The following DNAJC11 variants were observed in gnomAD, a reference collection of about 807,000 sequenced individuals.
The protein encoded by DNAJC11 is dnaJ homolog subfamily C member 11.
DNAJC11 carries 15 observed loss-of-function variants against 78.6 expected under a neutral mutation model. The ratio of observed to expected loss-of-function variants is 0.19; its 90% CI spans 0.13 to 0.29. The LOEUF is 0.29. Among genes scored for constraint, DNAJC11 ranks in the 10% least tolerant of loss-of-function variants. The pLI is 1.00. For missense variants in DNAJC11, 547 were observed against 709.6 expected (o/e 0.77, Z 2.60); for synonymous variants, 292 against 272.1 (o/e 1.07, Z -0.72).
intron 1 of DNAJC11, among the ~76,000 whole-genome samples, chr1:6,698,052 A>C (rs1642866144): frequency 6.6e-6 from 1 of 152,186 alleles, no homozygotes; most frequent in African/African-American, 2.4e-5. Flanking sequence ...GGCCTCCCAA[A>C]GTGCTGGGAT....
intron 7 of DNAJC11, among the ~76,000 whole-genome samples, chr1:6,647,895 T>C (rs1235283613): frequency 6.6e-6 from 1 of 152,182 alleles, no homozygotes; most frequent in Non-Finnish European, 1.5e-5. Context: ...TCAGTTGTCC[T>C]TCCGTTTAAA....
rs200095851 is a variant in DNAJC11 at position 6,638,398 on chromosome 1, G to A, written c.1254-34C>T. The A allele has an allele frequency of 2.1e-5, 33 of 1,600,146 alleles. No homozygotes were observed. The East Asian group carries it at 3.1e-4, about 15-fold the overall frequency. Reference sequence around the variant, plus strand: ...AGAGGAACACAAGCCCCACGTTAGCGCGGCGCTGCCCAGCTTCCAGCCAAC... The same window carrying A: ...AGAGGAACACAAGCCCCACGTTAGCACGGCGCTGCCCAGCTTCCAGCCAAC... On this transcript the variant is annotated intron_variant, in intron 11 of 15. Coordinates refer to ENST00000377577, the MANE Select transcript of DNAJC11 (RefSeq NM_018198.4).
chr1:6,693,322 G>C (rs946953925), intron 1 of DNAJC11, among the ~76,000 whole-genome samples: 2 of 152,098 alleles, frequency 1.3e-5, no homozygotes, highest in African/African-American at 4.8e-5. Context: ...AGCATACCAA[G>C]TATGTCTTTC....
intron 6 of DNAJC11, among the ~76,000 whole-genome samples, chr1:6,651,984 G>A (rs1277908483): frequency 3.2e-5 from 3 of 93,884 alleles, no homozygotes; most frequent in Non-Finnish European, 6.2e-5. Context: ...CCCCACCCCC[G>A]CATGCACTGC....
At chr1:6,681,774 C>G (rs962228660) in intron 1 of DNAJC11, among the ~76,000 whole-genome samples, 1 of 152,140 alleles carries the variant, frequency 6.6e-6, no homozygotes, top group Non-Finnish European at 1.5e-5. Flanking sequence ...CCAAGAGGGT[C>G]TCTAGACAGG....
chr1:6,653,022 A>C lies in DNAJC11; in HGVS notation c.508-71T>G. ...AGTGCCAATGGCAGCAGCCTAAAGA[A>C]CGCACTGTGAGCCCAAGGCCAAAGG... On this transcript the variant is annotated intron_variant, in intron 5 of 15. Transcript: ENST00000377577. This position sits in a 1 kb window ranked among gnomAD's most constrained non-coding sequence, Gnocchi z 4.5. 1 of 1,594,866 alleles carries C rather than the reference A, an allele frequency of 6.3e-7. No homozygotes were observed. Among genetic ancestry groups the C allele is most frequent in the Admixed American group, 1.7e-5 (1 of 59,130 alleles).
At chr1:6,650,884 T>A in intron 7 of DNAJC11, 1 of 320,628 alleles carries the variant, frequency 3.1e-6, no homozygotes, top group Non-Finnish European at 6.4e-6. Flanking sequence ...CCAAAATAAA[T>A]AAATAAATAA....
At chr1:6,637,810 A>G in intron 12 of DNAJC11, 1 of 504,986 alleles carries the variant, frequency 2.0e-6, no homozygotes, top group South Asian at 2.4e-5. Context: ...TGACCCAATA[A>G]AAAAACAATG....
At chr1:6,676,976 C>G (rs1478645428) in intron 3 of DNAJC11, among the ~76,000 whole-genome samples, 2 of 151,936 alleles carry the variant, frequency 1.3e-5, no homozygotes, top group Admixed American at 6.6e-5. Flanking sequence ...GAGTTCGAGA[C>G]CAGCCTGACC....
In DNAJC11 at chr1:6,637,509, C is replaced by T; in HGVS notation, c.1324-5G>A. 1 of 1,614,182 alleles carries T rather than the reference C, an allele frequency of 6.2e-7. No homozygotes were observed. The highest frequency in any genetic ancestry group is 8.5e-7 in the Non-Finnish European group (1 of 1,180,028). ...AGATTCCTGCATCAGCCGGACCTGCCAGAGAACAAGGATGACACAGTCAGG... is the reference window on the plus strand; with the variant it reads ...AGATTCCTGCATCAGCCGGACCTGCTAGAGAACAAGGATGACACAGTCAGG... On this transcript the variant is annotated splice_polypyrimidine_tract_variant and splice_region_variant and intron_variant, in intron 12 of 15. Transcript: ENST00000377577.
intron 10 of DNAJC11, among the ~76,000 whole-genome samples, chr1:6,641,132 T>A (rs1045734802): frequency 1.3e-5 from 2 of 151,998 alleles, no homozygotes; most frequent in African/African-American, 2.4e-5. Flanking sequence ...ACGCCTGTAA[T>A]CCTAGCATTT....
intron 3 of DNAJC11, 30 bp from the exon 4 acceptor site, chr1:6,667,840 T>C (rs550120711): frequency 8.1e-6 from 13 of 1,601,042 alleles, no homozygotes; most frequent in African/African-American, 2.7e-5. Flanking sequence ...GGGAAGACAG[T>C]TGAGGACCCA....
intron 3 of DNAJC11, among the ~76,000 whole-genome samples, chr1:6,669,038 T>G (rs566130351): frequency 6.7e-6 from 1 of 148,480 alleles, no homozygotes; most frequent in South Asian, 2.2e-4. Flanking sequence ...AATACAAAAA[T>G]TAGTCAGATG....
intron 3 of DNAJC11, among the ~76,000 whole-genome samples, chr1:6,672,149 A>G (rs545935236): frequency 1.3e-5 from 2 of 152,316 alleles, no homozygotes; most frequent in South Asian, 2.1e-4. Flanking sequence ...TAGAAATTTT[A>G]TAATTGAGTG....
chr1:6,681,694 T>C (rs545742101), intron 1 of DNAJC11, among the ~76,000 whole-genome samples: 1 of 152,244 alleles, frequency 6.6e-6, no homozygotes, highest in Non-Finnish European at 1.5e-5. Context: ...TCTGGTGTGC[T>C]TTAACCACAG....
At position 6,645,909 on chromosome 1, in the gene DNAJC11, T is replaced by C. The variant is rs940452082; in HGVS notation, c.774A>G (p.Leu258=). The C allele has an allele frequency of 1.2e-6, 2 of 1,614,152 alleles. No individual in the cohort carries two copies. The highest frequency in any genetic ancestry group is 3.3e-5 in the Admixed American group (2 of 60,014). Residue 258 remains leucine (L), a synonymous_variant, in exon 8 of 16, where the codon CTA becomes CTG. Coordinates refer to ENST00000377577, the MANE Select transcript of DNAJC11 (RefSeq NM_018198.4). The surrounding 1 kb of genome is among the most constrained non-coding windows in gnomAD (Gnocchi z 4.1). ...CGGTGTTCTTGTCTAGGTTCCGAGCTAGGACAGTGGTCAGGCCGGGTCGGA... is the reference window on the plus strand; with the variant it reads ...CGGTGTTCTTGTCTAGGTTCCGAGCCAGGACAGTGGTCAGGCCGGGTCGGA... ...RGIRPGLTTV[L]ARNLDKNTVG... is the part of the protein sequence containing the mutation.
chr1:6,650,806 G>A (rs1194235675), intron 7 of DNAJC11, among the ~76,000 whole-genome samples: 1 of 152,102 alleles, frequency 6.6e-6, no homozygotes, highest in East Asian at 1.9e-4. Context: ...CCAGGAGGCA[G>A]AGGCTGCAGT....
Position 6,635,053 on chromosome 1 carries a change from G to A in DNAJC11, c.*622C>T, listed in dbSNP as rs1641735483. The A allele has an allele frequency of 3.9e-6, 1 of 256,246 alleles. No homozygotes were observed. Among genetic ancestry groups the A allele is most frequent in the African/African-American group, 2.2e-5 (1 of 45,852 alleles). The allele number at this position is 256,246 out of a possible 1,614,324, so 15.9% of individuals were successfully genotyped here. ...TACCCTGTCCCAAGCCGAGGGGGCC[G>A]GTGGAATGACTTGAGCAGCTCTGGG... On this transcript the variant is annotated 3_prime_UTR_variant, in exon 16 of 16. Coordinates refer to ENST00000377577, the MANE Select transcript of DNAJC11 (RefSeq NM_018198.4).
At chr1:6,651,209 G>C (rs1642049402) in intron 7 of DNAJC11, 2 of 587,782 alleles carry the variant, frequency 3.4e-6, no homozygotes, top group Admixed American at 1.9e-5. Context: ...CCATAAGTCT[G>C]TAAGTGTTTC....
Sources: allele counts gnomAD v4.1 joint callset (sites outside exome capture counted in the v4.1 genomes callset), GRCh38; gene constraint gnomAD v4.1.1; non-coding constraint Gnocchi (gnomAD v3.1); transcripts MANE v1.5; gene names NCBI Gene and HGNC (gene_info 2026-07-23, HGNC 2026-07-21).